The following TRPM3 variants were observed in gnomAD, a reference collection of about 807,000 sequenced individuals.
The protein encoded by TRPM3 is transient receptor potential cation channel subfamily M member 3.
Under a neutral mutation model 181.2 loss-of-function variants are expected in TRPM3, and 77 were observed. The ratio of observed to expected loss-of-function variants is 0.42; its 90% CI spans 0.35 to 0.51. TRPM3 has a LOEUF of 0.51. Ranked by LOEUF, TRPM3 falls within the 20% of genes least tolerant of loss-of-function variation. The pLI is 0.01. For synonymous variants in TRPM3, 745 were observed against 796.4 expected (o/e 0.94, Z 1.09); for missense variants, 1,759 against 2,196.7 (o/e 0.80, Z 3.98).
chr9:71,169,458 C>T (rs2076728992), intron 1 of TRPM3, among the ~76,000 whole-genome samples: 1 of 152,068 alleles, frequency 6.6e-6, no homozygotes, highest in Non-Finnish European at 1.5e-5. Flanking sequence ...TGTGGCTATG[C>T]AAACAGATTA....
At chr9:71,081,705 A>G (rs1464667381) in intron 1 of TRPM3, among the ~76,000 whole-genome samples, 1 of 152,188 alleles carries the variant, frequency 6.6e-6, no homozygotes, top group Non-Finnish European at 1.5e-5. Context: ...ACAGACACAC[A>G]ATATGAGCCC....
chr9:70,962,373 T>C (rs2097144884), intron 1 of TRPM3, among the ~76,000 whole-genome samples: 1 of 152,114 alleles, frequency 6.6e-6, no homozygotes, highest in African/African-American at 2.4e-5. Flanking sequence ...GGCCTGTACA[T>C]CAGCAGTTAA....
chr9:71,401,043 C>A (rs1465985509), intron 1 of TRPM3, among the ~76,000 whole-genome samples: 1 of 151,650 alleles, frequency 6.6e-6, no homozygotes, highest in African/African-American at 2.4e-5. Flanking sequence ...ACTAAAAATA[C>A]AAAAATTGGC....
chr9:70,894,124 T>C (rs1224738702), intron 1 of TRPM3, among the ~76,000 whole-genome samples: 2 of 152,190 alleles, frequency 1.3e-5, no homozygotes, highest in East Asian at 3.8e-4. Flanking sequence ...CACCAAATTT[T>C]AATACCATCA....
chr9:71,283,010 C>G (rs911577993), intron 1 of TRPM3, among the ~76,000 whole-genome samples: 4 of 152,164 alleles, frequency 2.6e-5, no homozygotes, highest in Non-Finnish European at 5.9e-5. Flanking sequence ...CACTCTTATT[C>G]CTTTCTTGGA....
At chr9:70,665,233 T>A (rs2061685363) in intron 9 of TRPM3, among the ~76,000 whole-genome samples, 1 of 152,172 alleles carries the variant, frequency 6.6e-6, no homozygotes, top group African/African-American at 2.4e-5. Flanking sequence ...GAGTGTGCAT[T>A]TCCTGTGTAA....
intron 22 of TRPM3, among the ~76,000 whole-genome samples, chr9:70,580,382 C>G (rs1176960166): frequency 2.0e-5 from 3 of 152,180 alleles, no homozygotes; most frequent in African/African-American, 7.2e-5. Flanking sequence ...TTAATTCACT[C>G]AAGTAATGGT....
intron 1 of TRPM3, among the ~76,000 whole-genome samples, chr9:71,181,462 T>C (rs74965053): frequency 0.011 from 1,634 of 152,012 alleles, 27 homozygotes; most frequent in East Asian, 0.075. Flanking sequence ...CAACTCACTG[T>C]ATTAAAAATA....
intron 1 of TRPM3, among the ~76,000 whole-genome samples, chr9:71,244,177 G>A (rs898893060): frequency 2.0e-5 from 3 of 152,184 alleles, no homozygotes; most frequent in African/African-American, 4.8e-5. Flanking sequence ...CCTCAAAGGG[G>A]AGGTACAGGC....
At chr9:71,280,569 T>C (rs895996765) in intron 1 of TRPM3, among the ~76,000 whole-genome samples, 1 of 152,098 alleles carries the variant, frequency 6.6e-6, no homozygotes, top group Admixed American at 6.6e-5. Flanking sequence ...AGAGGATTTG[T>C]GGGAGAAAAA....
intron 4 of TRPM3, among the ~76,000 whole-genome samples, chr9:70,845,871 A>C (rs1180404155): frequency 6.6e-6 from 1 of 152,226 alleles, no homozygotes; most frequent in Non-Finnish European, 1.5e-5. Context: ...TTTGGAATTC[A>C]GAGTGAGATG....
intron 8 of TRPM3, among the ~76,000 whole-genome samples, chr9:70,691,638 G>A (rs1037932935): frequency 6.6e-6 from 1 of 152,112 alleles, no homozygotes; most frequent in African/African-American, 2.4e-5. Context: ...TAAGAACCCT[G>A]GAGTTTGTTT....
chr9:70,761,331 C>G (rs2078090531), intron 8 of TRPM3: 1 of 623,636 alleles, frequency 1.6e-6, no homozygotes. Context: ...ATCACTTCAA[C>G]TCATTTTGTT....
chr9:71,005,469 C>T (rs556796766), intron 1 of TRPM3, among the ~76,000 whole-genome samples: 77 of 151,436 alleles, frequency 5.1e-4, no homozygotes, highest in African/African-American at 9.9e-4. Flanking sequence ...AGGAATTTTC[C>T]GAAGCACATC....
At chr9:70,670,717 C>A (rs189094577) in intron 9 of TRPM3, among the ~76,000 whole-genome samples, 15 of 152,032 alleles carry the variant, frequency 9.9e-5, no homozygotes, top group Non-Finnish European at 1.8e-4. Context: ...TTTTAAAACC[C>A]GTTTCAGAAG....
chr9:70,989,166 A>G (rs1277435994), intron 1 of TRPM3, among the ~76,000 whole-genome samples: 1 of 152,216 alleles, frequency 6.6e-6, no homozygotes, highest in African/African-American at 2.4e-5. Context: ...TCATGGAATC[A>G]TATGTTTATA....
intron 1 of TRPM3, among the ~76,000 whole-genome samples, chr9:71,287,774 C>T (rs1194235965): frequency 1.3e-5 from 2 of 152,050 alleles, no homozygotes; most frequent in African/African-American, 4.8e-5. Flanking sequence ...TTTTCATTAA[C>T]CCATTTAATA....
chr9:70,643,312 G>A (rs748728593), intron 9 of TRPM3, among the ~76,000 whole-genome samples: 45 of 152,202 alleles, frequency 3.0e-4, no homozygotes, highest in Non-Finnish European at 5.6e-4. Flanking sequence ...ACTGGTTGGT[G>A]CTGACTTGCT....
chr9:71,377,666 G>A lies in TRPM3; in HGVS notation c.183+68987C>T, dbSNP rs181220697. The stretch of plus-strand genomic sequence containing the variant: ...ATAGAAAAAAGTATACTATAAGCAG[G>A]AAACTACACAAATCATAAGTGTATA... On this transcript the variant is annotated intron_variant, in intron 1 of 24. Transcript: ENST00000357533. 9.5e-4 allele frequency among the ~76,000 whole-genome samples: 145 copies of A among 152,000 alleles called. 2 individuals carry two copies. Among genetic ancestry groups the A allele is most frequent in the South Asian group, 6.0e-3 (29 of 4,816 alleles).
Sources: gnomAD v4.1 joint callset for allele counts (sites outside exome capture counted in the v4.1 genomes callset) on GRCh38, gnomAD v4.1.1 for gene constraint, MANE v1.5 for transcripts, NCBI Gene and HGNC (gene_info 2026-07-23, HGNC 2026-07-21) for gene names.